Variants in MTMR3 observed in about 807,000 individuals in gnomAD.
MTMR3 encodes the protein phosphatidylinositol-3,5-bisphosphate 3-phosphatase MTMR3.
A neutral mutation model predicts 132.4 loss-of-function variants in MTMR3; 32 were observed. That is an observed-to-expected ratio of 0.24 (90% CI 0.18 to 0.32). The LOEUF (loss-of-function observed/expected upper bound fraction) is 0.32. MTMR3 is among the 10% of genes least tolerant of loss of function. MTMR3 has a pLI of 1.00. For synonymous variants in MTMR3, 556 were observed against 550.3 expected, an observed-to-expected ratio of 1.01 and a Z score of -0.14; for missense variants, 1,216 against 1,489.6, an observed-to-expected ratio of 0.82 and a Z score of 3.02.
At chr22:29,971,790 A>T (rs966816815) in intron 3 of MTMR3, among the ~76,000 whole-genome samples, 3 of 152,124 alleles carry the variant, frequency 2.0e-5, no homozygotes, top group Non-Finnish European at 4.4e-5. Context: ...CAAGCCAGCC[A>T]CATTTTCATC....
chr22:30,017,801 T>G (rs1374166750), intron 15 of MTMR3, 126 bp from the exon 16 acceptor site: 14 of 1,221,906 alleles, frequency 1.1e-5, no homozygotes, highest in Admixed American at 8.3e-5. Flanking sequence ...TGGTGCTGCT[T>G]CTTTGTGGAG....
At chr22:30,009,785 G>A (rs1198545827) in intron 12 of MTMR3, 1 of 152,170 alleles carries the variant, frequency 6.6e-6, no homozygotes, top group Non-Finnish European at 1.5e-5. Flanking sequence ...GGACAGATAA[G>A]TATTTAAAAA....
chr22:30,014,502 C>CTTTTTTTTTTTTTTTTTTTT (rs56934428), intron 14 of MTMR3: 1 of 78,812 alleles, frequency 1.3e-5, no homozygotes, highest in Non-Finnish European at 2.5e-5. Context: ...CCCTCCAGTT[C>CTTTTTTTTTTTTTTTTTTTT]TTTTTTTTTT....
In MTMR3 at chr22:30,029,312, C is replaced by T. The variant is rs183560124; in HGVS notation, c.*3511C>T. ...ATACCTTGGCCTCTGTAACTGCAGT[C>T]CAAAACAAGTTACAGCTGCCTTAAT... is the stretch of plus-strand genomic sequence containing the variant. On this transcript the variant is annotated 3_prime_UTR_variant, in exon 20 of 20. Coordinates refer to ENST00000401950, the MANE Select transcript of MTMR3 (RefSeq NM_021090.4). The T allele has an allele frequency of 1.8e-4, 28 of 152,374 alleles. No homozygotes were observed. The highest frequency in any genetic ancestry group is 5.1e-4 in the African/African-American group (21 of 41,542). The allele number at this position is 152,374 out of a possible 1,614,324, so 9.4% of individuals were successfully genotyped here.
chr22:29,963,102 A>G (rs2066345007), intron 2 of MTMR3, among the ~76,000 whole-genome samples: 1 of 150,824 alleles, frequency 6.6e-6, no homozygotes. Context: ...TGTATTTTTT[A>G]TCTTTTTTTC....
intron 1 of MTMR3, among the ~76,000 whole-genome samples, chr22:29,895,305 T>C (rs535859977): frequency 4.3e-4 from 65 of 152,000 alleles, no homozygotes; most frequent in African/African-American, 1.5e-3. Context: ...TTTAAATCAT[T>C]GTAACTAGGC....
chr22:29,995,174 TA>T (rs1478158352), intron 7 of MTMR3: 1 of 152,318 alleles, frequency 6.6e-6, no homozygotes, highest in Non-Finnish European at 1.5e-5. Flanking sequence ...CTCTGGGTCT[TA>T]ACACTGCTGT....
chr22:30,012,692 T>C (rs1264498336), intron 13 of MTMR3, 129 bp downstream of exon 13: 1 of 1,012,612 alleles, frequency 9.9e-7, no homozygotes, highest in Non-Finnish European at 1.4e-6. Context: ...TCATTGTTCC[T>C]TTATGCCATG....
chr22:29,953,719 C>CT (rs747958169), intron 1 of MTMR3, among the ~76,000 whole-genome samples: 9 of 152,176 alleles, frequency 5.9e-5, no homozygotes, highest in Non-Finnish European at 1.3e-4. Flanking sequence ...GTTTTACCCT[C>CT]TTATTTCAGA....
intron 1 of MTMR3, among the ~76,000 whole-genome samples, chr22:29,883,934 G>A (rs2145687536): frequency 6.6e-6 from 1 of 152,308 alleles, no homozygotes; most frequent in East Asian, 1.9e-4. Context: ...GGCGGTTGGC[G>A]TAACTGAGGG....
At chr22:29,957,955 G>A (rs1277794190) in intron 2 of MTMR3, among the ~76,000 whole-genome samples, 1 of 151,950 alleles carries the variant, frequency 6.6e-6, no homozygotes, top group Non-Finnish European at 1.5e-5. Flanking sequence ...AATTTATAAA[G>A]TAAACTTAAT....
rs2067998684 is a variant in MTMR3, at chr22:30,030,682, A to C, written c.*4881A>C. 1 of 147,650 alleles carries C rather than the reference A, an allele frequency of 6.8e-6. No homozygotes were observed. The highest frequency in any genetic ancestry group is 2.2e-4 in the South Asian group (1 of 4,630). The allele number at this position is 147,650 out of a possible 1,614,324, so 9.1% of individuals were successfully genotyped here. A position where few individuals can be genotyped will look rare whatever the true frequency, so the allele number is the denominator to read the frequency against. ...TATCTTCCAGAGGCAGGGTTCATGGATTCCTGATGTTTAGAGGCGGAAGGG... is the reference window on the plus strand; with the variant it reads ...TATCTTCCAGAGGCAGGGTTCATGGCTTCCTGATGTTTAGAGGCGGAAGGG... On this transcript the variant is annotated 3_prime_UTR_variant, in exon 20 of 20. Coordinates refer to ENST00000401950, the MANE Select transcript of MTMR3 (RefSeq NM_021090.4).
chr22:29,972,598 T>TCTTG (rs1318780420), intron 3 of MTMR3, among the ~76,000 whole-genome samples: 2 of 152,130 alleles, frequency 1.3e-5, no homozygotes, highest in Non-Finnish European at 2.9e-5. Flanking sequence ...TGAGACAGAG[T>TCTTG]CTTGCTCTGT....
intron 9 of MTMR3, chr22:30,003,262 C>T (rs1223109228): frequency 1.3e-5 from 4 of 298,630 alleles, no homozygotes; most frequent in Admixed American, 4.6e-5. Context: ...ATCCTTCTTA[C>T]ATTCTGTGAG....
At chr22:29,982,748 G>A (rs2066773930) in intron 5 of MTMR3, 1 of 152,134 alleles carries the variant, frequency 6.6e-6, no homozygotes, top group Non-Finnish European at 1.5e-5. Context: ...CACATTCACT[G>A]AATATCAAGT....
intron 1 of MTMR3, among the ~76,000 whole-genome samples, chr22:29,935,170 A>G (rs1270849969): frequency 6.6e-6 from 1 of 152,218 alleles, no homozygotes; most frequent in Non-Finnish European, 1.5e-5. Flanking sequence ...AGAGGTAAAT[A>G]CAGCTTGTAC....
intron 1 of MTMR3, among the ~76,000 whole-genome samples, chr22:29,936,919 G>T (rs1184339708): frequency 6.6e-6 from 1 of 152,046 alleles, no homozygotes; most frequent in Non-Finnish European, 1.5e-5. Context: ...AGATGGTTAG[G>T]TTTTTTCGTA....
At chr22:29,972,178 A>C (rs1484269144) in intron 3 of MTMR3, among the ~76,000 whole-genome samples, 1 of 152,100 alleles carries the variant, frequency 6.6e-6, no homozygotes, top group Non-Finnish European at 1.5e-5. Flanking sequence ...ATTTTATTTT[A>C]TTGGTTTTCC....
chr22:29,965,621 G>T (rs1415775333), intron 2 of MTMR3, among the ~76,000 whole-genome samples: 1 of 152,186 alleles, frequency 6.6e-6, no homozygotes, highest in Non-Finnish European at 1.5e-5. Context: ...GGAGGCAGAG[G>T]TTGCAGTGAG....
Sources: allele counts gnomAD v4.1 joint callset (sites outside exome capture counted in the v4.1 genomes callset), GRCh38; gene constraint gnomAD v4.1.1; transcripts MANE v1.5; gene names NCBI Gene and HGNC (gene_info 2026-07-23, HGNC 2026-07-21).